The following MYO16 variants were observed in gnomAD, a reference collection of about 807,000 sequenced individuals.
The protein encoded by MYO16 is unconventional myosin-XVI.
In MYO16, 94 loss-of-function variants were observed where a neutral mutation model predicts 205.3. That is an observed-to-expected ratio of 0.46 (90% CI 0.39 to 0.54). The LOEUF is 0.54. Among genes scored for constraint, MYO16 ranks in the 20% least tolerant of loss-of-function variants. The pLI, the probability that MYO16 is intolerant of heterozygous loss-of-function variation, is 0.00. For synonymous variants in MYO16, 988 were observed against 954.0 expected (o/e 1.04, Z -0.66); for missense variants, 2,315 against 2,387.5 (o/e 0.97, Z 0.63).
upstream of MYO16, among the ~76,000 whole-genome samples, chr13:108,593,816 G>C (rs574187376): frequency 5.3e-5 from 8 of 152,244 alleles, no homozygotes; most frequent in Non-Finnish European, 1.0e-4. Context: ...TCGCTCCCAA[G>C]CCCTGTTAGC....
At position 109,049,976 on chromosome 13, in the gene MYO16, G is replaced by GTT. The variant is rs1887192784; in HGVS notation, c.2873-2322_2873-2321dup. Among the ~76,000 whole-genome samples the GTT allele has an allele frequency of 3.9e-5, 5 of 127,794 alleles. No homozygotes were observed. The Admixed American group carries it at 4.0e-4, about 10-fold the overall frequency. 83.8% of individuals were successfully genotyped at this position (127,794 alleles called of 152,430 possible). ...TGTGTGTGTGTGTGTGTGTGTGTGT[G>GTT]TTTACTTTCTGAATCATTTGAAAGT... On this transcript the variant is annotated intron_variant, in intron 24 of 34. Coordinates refer to ENST00000457511, the MANE Select transcript of MYO16 (RefSeq NM_001198950.3).
intron 1 of MYO16, among the ~76,000 whole-genome samples, chr13:108,641,812 A>G (rs1458853159): frequency 6.6e-6 from 1 of 152,172 alleles, no homozygotes; most frequent in East Asian, 1.9e-4. Flanking sequence ...AGTGATACCT[A>G]AAGCACATCA....
intron 19 of MYO16, among the ~76,000 whole-genome samples, chr13:108,964,100 A>G (rs2139372557): frequency 6.6e-6 from 1 of 152,332 alleles, no homozygotes; most frequent in East Asian, 1.9e-4. Flanking sequence ...ATGGTCAGCA[A>G]GTTTGGCCAA....
At chr13:108,971,374 T>TATATATATATATATAC (rs1156819636) in intron 20 of MYO16, among the ~76,000 whole-genome samples, 3 of 136,348 alleles carry the variant, frequency 2.2e-5, no homozygotes, top group African/African-American at 7.9e-5. Flanking sequence ...TATATATATA[T>TATATATATATATATAC]ACACATATAA....
intron 32 of MYO16, among the ~76,000 whole-genome samples, chr13:109,149,539 T>C (rs1472382955): frequency 6.6e-6 from 1 of 152,122 alleles, no homozygotes; most frequent in Non-Finnish European, 1.5e-5. Flanking sequence ...CTGAAAACAA[T>C]AAAATTAAAA....
intron 7 of MYO16, among the ~76,000 whole-genome samples, chr13:108,817,009 T>C (rs61968849): frequency 0.015 from 2,215 of 152,242 alleles, 19 homozygotes; most frequent in Non-Finnish European, 0.025. Flanking sequence ...TAACCTACGG[T>C]GAGATAGTAC....
chr13:109,206,151 C>T (rs1342119843), intron 34 of MYO16, among the ~76,000 whole-genome samples: 3 of 152,164 alleles, frequency 2.0e-5, no homozygotes, highest in Non-Finnish European at 4.4e-5. Flanking sequence ...GTCATGTAAC[C>T]CTAATAGTCA....
chr13:108,744,452 A>G (rs1297650276), intron 4 of MYO16, among the ~76,000 whole-genome samples: 1 of 152,238 alleles, frequency 6.6e-6, no homozygotes, highest in Non-Finnish European at 1.5e-5. Context: ...AGAAAAAAAT[A>G]ATCAAACTTG....
At chr13:109,151,500 A>G (rs1877662143) in intron 32 of MYO16, among the ~76,000 whole-genome samples, 1 of 152,232 alleles carries the variant, frequency 6.6e-6, no homozygotes, top group Non-Finnish European at 1.5e-5. Context: ...ACTGATTTAC[A>G]GCAGAACACT....
chr13:109,124,876 G>A (rs1876160826), intron 29 of MYO16, among the ~76,000 whole-genome samples: 1 of 152,144 alleles, frequency 6.6e-6, no homozygotes, highest in South Asian at 2.1e-4. Flanking sequence ...TCCAGCTTGT[G>A]TTACCAAAAA....
Position 109,107,648 on chromosome 13 carries a change from A to G in MYO16, c.3438+6761A>G, listed in dbSNP as rs954544179. Among the ~76,000 whole-genome samples the G allele has an allele frequency of 2.0e-5, 3 of 151,948 alleles. No homozygotes were observed. The East Asian group carries it at 5.8e-4, about 29-fold the overall frequency. The stretch of plus-strand genomic sequence containing the variant: ...TTACTACTCAGGGAACACTTCATAA[A>G]TCAACTATAATTACAAGCTAGAAAA... On this transcript the variant is annotated intron_variant, in intron 28 of 34. Coordinates refer to ENST00000457511, the MANE Select transcript of MYO16 (RefSeq NM_001198950.3).
chr13:109,127,879 C>A lies in MYO16; in HGVS notation c.4051+329C>A, dbSNP rs1008733146. Among the ~76,000 whole-genome samples the A allele has an allele frequency of 1.9e-4, 24 of 124,688 alleles. No individual in the cohort carries two copies. The South Asian group carries it at 5.1e-3, about 26-fold the overall frequency. The allele number at this position is 124,688 out of a possible 152,430, so 81.8% of individuals were successfully genotyped here. On this transcript the variant is annotated intron_variant, in intron 31 of 34. Transcript: ENST00000457511. The surrounding 1 kb of genome is among the most constrained non-coding windows in gnomAD (Gnocchi z 4.2). ...GAAAGTAAAAAAAAAAAAAAAAAAA[C>A]TGCTTCAGGCATTCCAGTTATCACA...
chr13:108,691,418 GA>G (rs1188470151), intron 2 of MYO16, among the ~76,000 whole-genome samples: 1 of 151,990 alleles, frequency 6.6e-6, no homozygotes, highest in Non-Finnish European at 1.5e-5. Flanking sequence ...GTGTTTGTGA[GA>G]GAGAGAGATA....
chr13:108,903,614 A>G (rs1373876326), intron 15 of MYO16, among the ~76,000 whole-genome samples: 2 of 152,234 alleles, frequency 1.3e-5, no homozygotes, highest in Admixed American at 1.3e-4. Context: ...CAGTTTAAGA[A>G]TGAAATCATC....
At chr13:109,061,291 T>C (rs1465545265) in intron 27 of MYO16, among the ~76,000 whole-genome samples, 1 of 152,196 alleles carries the variant, frequency 6.6e-6, no homozygotes, top group African/African-American at 2.4e-5. Context: ...ACTTTGAGTT[T>C]CCTTCAATAA....
At chr13:108,825,591 AAATAAATAAATAAATG>A (rs1876216233) in intron 9 of MYO16, among the ~76,000 whole-genome samples, 2 of 151,490 alleles carry the variant, frequency 1.3e-5, no homozygotes, top group South Asian at 2.1e-4. Flanking sequence ...ATAAATAAAT[AAATAAATAAATAAATG>A]AATAGTATCC....
chr13:108,934,853 A>G (rs1388976358), intron 16 of MYO16, among the ~76,000 whole-genome samples: 6 of 152,088 alleles, frequency 3.9e-5, no homozygotes. Flanking sequence ...CTAGATAGCT[A>G]TCCCCACACT....
the MYO16 span, among the ~76,000 whole-genome samples, chr13:108,533,329 T>A: frequency 6.6e-6 from 1 of 152,138 alleles, no homozygotes; most frequent in Non-Finnish European, 1.5e-5. Context: ...CACCTGATAG[T>A]TTAAGGCTAA....
chr13:109,175,609 C>G (rs1044484003), intron 33 of MYO16, among the ~76,000 whole-genome samples: 2 of 152,132 alleles, frequency 1.3e-5, no homozygotes, highest in African/African-American at 4.8e-5. Flanking sequence ...TTGAAGCACA[C>G]TATTGCCCTG....
Sources: gnomAD v4.1 joint callset for allele counts (sites outside exome capture counted in the v4.1 genomes callset) on GRCh38, gnomAD v4.1.1 for gene constraint, Gnocchi (gnomAD v3.1) non-coding constraint, MANE v1.5 for transcripts, NCBI Gene and HGNC (gene_info 2026-07-23, HGNC 2026-07-21) for gene names.